Variants in THOC1 observed in about 807,000 individuals in gnomAD.
THOC1 encodes THO complex subunit 1.
In THOC1, 29 loss-of-function variants were observed where a neutral mutation model predicts 97.3. That is an observed-to-expected ratio of 0.30 (90% CI 0.22 to 0.41). The LOEUF (loss-of-function observed/expected upper bound fraction) is 0.41, where lower values mean the gene tolerates loss of function less well. Among genes scored for constraint, THOC1 ranks in the 10% least tolerant of loss-of-function variants. The probability of loss-of-function intolerance (pLI) is 1.00; values close to 1 mark genes in which losing one functional copy is unlikely to be tolerated. For missense variants in THOC1, 529 were observed against 761.9 expected, an observed-to-expected ratio of 0.69 and a Z score of 3.60; for synonymous variants, 255 against 257.0, an observed-to-expected ratio of 0.99 and a Z score of 0.07.
intron 11 of THOC1, among the ~76,000 whole-genome samples, chr18:235,159 A>C (rs1179627578): frequency 6.6e-6 from 1 of 151,576 alleles, no homozygotes; most frequent in Non-Finnish European, 1.5e-5. Context: ...TAGGCTTCAA[A>C]ATTTATTCGT....
intron 4 of THOC1, among the ~76,000 whole-genome samples, chr18:262,641 C>T (rs1170461018): frequency 6.6e-6 from 1 of 152,172 alleles, no homozygotes; most frequent in African/African-American, 2.4e-5. Flanking sequence ...AGGAATATTA[C>T]ATTGTGGGAC....
chr18:235,490 T>G (rs1449527252), intron 11 of THOC1, among the ~76,000 whole-genome samples: 3 of 152,166 alleles, frequency 2.0e-5, no homozygotes, highest in Non-Finnish European at 4.4e-5. Flanking sequence ...TCCCTTTGCA[T>G]CTCCCTTTAT....
rs762624783 is a variant in THOC1, at chr18:216,584, G to A, written c.1504C>T (p.Arg502Trp). The change falls in exon 19 of 21, where the codon CGG (arginine) becomes TGG (tryptophan). Residue 502 changes from arginine to tryptophan, a missense_variant. Physicochemically the swap from Arg to Trp is moderately radical, Grantham distance 101. Transcript: ENST00000261600. ...YGWRALRLLA[R>W]RSPHFFQPTN... ...GGCTGGAAGAAGTGAGGGCTTCTCC[G>A]TGCTAATAGTCTCAGGGCTCTCCAA... 8.7e-6 allele frequency: 14 copies of A among 1,613,796 alleles called. No individual in the cohort carries two copies. Among genetic ancestry groups the A allele is most frequent in the East Asian group, 4.5e-5 (2 of 44,872 alleles).
chr18:259,290 A>C lies in THOC1; in HGVS notation c.425-15T>G. The C allele has an allele frequency of 6.4e-7, 1 of 1,565,644 alleles. No homozygotes were observed. The highest frequency in any genetic ancestry group is 8.7e-7 in the Non-Finnish European group (1 of 1,146,158). ...TCTTAGGAGATCTAACAATATATGAAAATGAACGTTACACAGAAAAGATAA... is the reference window on the plus strand; with the variant it reads ...TCTTAGGAGATCTAACAATATATGACAATGAACGTTACACAGAAAAGATAA... On this transcript the variant is annotated splice_polypyrimidine_tract_variant and intron_variant, in intron 6 of 20. Coordinates refer to ENST00000261600, the MANE Select transcript of THOC1 (RefSeq NM_005131.3).
rs774655134 is a variant in THOC1, at chr18:252,550, A to G, written c.666T>C (p.Ala222=). ...CTCTGAAAACTCACCACGTTGTTGG[A>G]GCTTCCTCGTCTCCCATTTCGCCTT... The part of the protein sequence containing the change: ...VEEGEMGDEE[A]PTTCSIPIDY... Residue 222 remains alanine, a synonymous_variant, in exon 9 of 21, where the codon GCT becomes GCC. Transcript: ENST00000261600. The G allele has an allele frequency of 6.2e-7, 1 of 1,611,476 alleles. No individual in the cohort carries two copies.
At chr18:231,496 CAACT>C (rs1187946151) in intron 11 of THOC1, among the ~76,000 whole-genome samples, 6 of 151,966 alleles carry the variant, frequency 3.9e-5, no homozygotes, top group South Asian at 2.1e-4. Flanking sequence ...AAAATCTTAC[CAACT>C]GTCATAACAC....
intron 18 of THOC1, among the ~76,000 whole-genome samples, chr18:218,625 T>C (rs1252206676): frequency 6.6e-6 from 1 of 151,852 alleles, no homozygotes; most frequent in East Asian, 1.9e-4. Flanking sequence ...GAACTAATAG[T>C]TGGAGAGAAA....
rs552742638 is a variant in THOC1 at position 223,366 on chromosome 18, A to C, written c.1370+74T>G. ...TTTAAATTTCATTTGAGCTCTGATC[A>C]TAGCTGAGAAAAGGCTCCATTCTAC... On this transcript the variant is annotated intron_variant, in intron 17 of 20. Transcript: ENST00000261600. The C allele has an allele frequency of 3.9e-5, 48 of 1,236,690 alleles. No homozygotes were observed. In the African/African-American group the frequency reaches 7.0e-4, roughly 18 times the overall value. 76.6% of individuals were successfully genotyped at this position (1,236,690 alleles called of 1,614,324 possible).
At chr18:233,162 T>C (rs1214117014) in intron 11 of THOC1, among the ~76,000 whole-genome samples, 1 of 152,254 alleles carries the variant, frequency 6.6e-6, no homozygotes, top group Non-Finnish European at 1.5e-5. Context: ...TTCTTCTAAA[T>C]GTTTAAAAGT....
intron 9 of THOC1, among the ~76,000 whole-genome samples, chr18:251,990 A>C (rs944356101): frequency 2.0e-5 from 3 of 152,256 alleles, no homozygotes; most frequent in African/African-American, 7.2e-5. Context: ...GAAATAGGCC[A>C]TAAGAACCTA....
chr18:241,626 G>A (rs1162962459), intron 11 of THOC1, among the ~76,000 whole-genome samples: 21 of 152,144 alleles, frequency 1.4e-4, no homozygotes, highest in Non-Finnish European at 1.5e-5. Context: ...CTGAAGGACT[G>A]GGTAACCCTA....
At chr18:220,009 A>G (rs755231830) in intron 17 of THOC1, among the ~76,000 whole-genome samples, 1 of 152,258 alleles carries the variant, frequency 6.6e-6, no homozygotes, top group Non-Finnish European at 1.5e-5. Flanking sequence ...ATCAGAAGAC[A>G]TCTTCTAGAG....
intron 9 of THOC1, among the ~76,000 whole-genome samples, chr18:250,489 T>C (rs1393805203): frequency 6.6e-6 from 1 of 152,260 alleles, no homozygotes; most frequent in Non-Finnish European, 1.5e-5. Flanking sequence ...GTCTTGTAAC[T>C]ATTTTAACCA....
chr18:260,505 G>A (rs937814886), intron 4 of THOC1: 1 of 380,572 alleles, frequency 2.6e-6, no homozygotes. Flanking sequence ...ACTCAGTAAT[G>A]ATGACAATAA....
intron 4 of THOC1, among the ~76,000 whole-genome samples, chr18:262,099 T>C (rs1442840913): frequency 6.6e-6 from 1 of 152,242 alleles, no homozygotes; most frequent in African/African-American, 2.4e-5. Context: ...TCCTCCTCTT[T>C]ACCACATGGT....
intron 11 of THOC1, chr18:245,767 T>G (rs1278899376): frequency 6.5e-6 from 1 of 152,690 alleles, no homozygotes; most frequent in Admixed American, 6.5e-5. Flanking sequence ...ATGAAGATAT[T>G]TATCTTGTTT....
chr18:243,940 T>C (rs1283290686), intron 11 of THOC1, among the ~76,000 whole-genome samples: 1 of 152,166 alleles, frequency 6.6e-6, no homozygotes, highest in African/African-American at 2.4e-5. Flanking sequence ...CTCTCCTCCT[T>C]TCTCTTCCTT....
intron 4 of THOC1, 32 bp downstream of exon 4, chr18:263,994 C>CTT (rs765482267): frequency 5.8e-5 from 89 of 1,540,132 alleles, no homozygotes; most frequent in Non-Finnish European, 7.6e-5. Flanking sequence ...TCCAAGATTA[C>CTT]TTTAAACAAA....
At chr18:223,640 T>C (rs1911168786) in intron 16 of THOC1, 135 bp from the exon 17 acceptor site, 1 of 649,944 alleles carries the variant, frequency 1.5e-6, no homozygotes, top group Non-Finnish European at 2.5e-6. Context: ...CTTTTCTCAA[T>C]AATTTTTGGT....
Sources: allele counts gnomAD v4.1 joint callset (sites outside exome capture counted in the v4.1 genomes callset), GRCh38; gene constraint gnomAD v4.1.1; transcripts MANE v1.5; gene names NCBI Gene and HGNC (gene_info 2026-07-23, HGNC 2026-07-21).